Variants in LPIN2 observed in about 807,000 individuals in gnomAD.
The protein encoded by LPIN2 is lipin 2.
In LPIN2, 55 loss-of-function variants were observed where a neutral mutation model predicts 111.4. That is an observed-to-expected ratio of 0.49 (90% CI 0.40 to 0.62). The LOEUF (loss-of-function observed/expected upper bound fraction) is 0.62, where lower values mean the gene tolerates loss of function less well. LPIN2 is among the 20% of genes least tolerant of loss of function. LPIN2 has a pLI of 0.00. For missense variants in LPIN2, 992 were observed against 1,112.1 expected (o/e 0.89, Z 1.54); for synonymous variants, 425 against 414.0 (o/e 1.03, Z -0.32).
chr18:2,946,060 C>G (rs1411886208), intron 4 of LPIN2: 1 of 1,446,216 alleles, frequency 6.9e-7, no homozygotes, highest in South Asian at 1.1e-5. Context: ...CTTTGAACAC[C>G]CTCCATTCTT....
At chr18:2,960,468 A>G in intron 2 of LPIN2, 181 bp downstream of exon 2, 1 of 654,256 alleles carries the variant, frequency 1.5e-6, no homozygotes. Flanking sequence ...CAAAAGCAAT[A>G]CATAAAGGTT....
chr18:2,967,788 C>T (rs1261491336), intron 1 of LPIN2: 1 of 152,196 alleles, frequency 6.6e-6, no homozygotes, highest in Non-Finnish European at 1.5e-5. Flanking sequence ...TTTGTACTTC[C>T]TGGTTATTTC....
chr18:2,992,683 T>C (rs949424373), intron 1 of LPIN2, among the ~76,000 whole-genome samples: 10 of 151,870 alleles, frequency 6.6e-5, no homozygotes, highest in Non-Finnish European at 1.2e-4. Context: ...TGAGATCTCA[T>C]CTCTATAAAA....
At chr18:2,990,402 A>C (rs2078247587) in intron 1 of LPIN2, among the ~76,000 whole-genome samples, 1 of 152,244 alleles carries the variant, frequency 6.6e-6, no homozygotes, top group Admixed American at 6.5e-5. Flanking sequence ...TGGGGAGTTT[A>C]ACTCTAGAAT....
chr18:3,009,793 C>T (rs995244272), intron 1 of LPIN2, among the ~76,000 whole-genome samples: 1 of 152,174 alleles, frequency 6.6e-6, no homozygotes, highest in African/African-American at 2.4e-5. Context: ...AACCTGATCA[C>T]CGAAATACAA....
intron 1 of LPIN2, among the ~76,000 whole-genome samples, chr18:2,993,511 T>C (rs2078297513): frequency 6.6e-6 from 1 of 152,246 alleles, no homozygotes; most frequent in Admixed American, 6.5e-5. Context: ...AAACTATGGC[T>C]TTCTGAGCAT....
At chr18:3,003,761 T>G (rs1243213337) in intron 1 of LPIN2, among the ~76,000 whole-genome samples, 2 of 152,348 alleles carry the variant, frequency 1.3e-5, no homozygotes, top group East Asian at 3.9e-4. Context: ...ATGAAATCAC[T>G]GTACCCTGAA....
chr18:3,009,584 A>G (rs2078568514), intron 1 of LPIN2, among the ~76,000 whole-genome samples: 3 of 151,722 alleles, frequency 2.0e-5, no homozygotes, highest in Admixed American at 2.0e-4. Flanking sequence ...GTCTACAGGC[A>G]TGCATAACCA....
chr18:2,989,223 A>T (rs2078228309), intron 1 of LPIN2, among the ~76,000 whole-genome samples: 1 of 152,158 alleles, frequency 6.6e-6, no homozygotes. Context: ...CTTCCACAGT[A>T]CCTTCTTAGA....
Position 2,931,432 on chromosome 18 carries a change from G to C in LPIN2, c.1280C>G (p.Pro427Arg). ...AGACTCGGGCCACTGCCTGGAACCG[G>C]GCTCCGATTCACTGTGGACAGGGGA... is the stretch of plus-strand genomic sequence containing the variant. ...ALYFPKSESE[P>R]GSRQWPESDT... The change falls in exon 9 of 20, where the codon CCC becomes CGC. Residue 427 changes from proline to arginine, a missense_variant. By Grantham distance (103) the Pro-to-Arg change is moderately radical. Coordinates refer to ENST00000677752, the MANE Select transcript of LPIN2 (RefSeq NM_001375808.2). The C allele has an allele frequency of 6.3e-7, 1 of 1,589,728 alleles. No homozygotes were observed. The highest frequency in any genetic ancestry group is 8.6e-7 in the Non-Finnish European group (1 of 1,167,828).
chr18:2,988,944 A>G (rs2078224458), intron 1 of LPIN2, among the ~76,000 whole-genome samples: 1 of 152,224 alleles, frequency 6.6e-6, no homozygotes, highest in Admixed American at 6.5e-5. Context: ...AATTGTATTC[A>G]ATTTGAAAAA....
intron 7 of LPIN2, among the ~76,000 whole-genome samples, 174 bp from the exon 8 acceptor site, chr18:2,934,624 A>G (rs1012899505): frequency 6.6e-6 from 1 of 152,230 alleles, no homozygotes; most frequent in African/African-American, 2.4e-5. Context: ...ATCCATGCCA[A>G]TAGAAGAGAA....
chr18:2,963,841 AAAATGCT>A (rs2077748195), intron 1 of LPIN2, among the ~76,000 whole-genome samples: 1 of 117,984 alleles, frequency 8.5e-6, no homozygotes, highest in East Asian at 2.2e-4. Context: ...ACAAATACCA[AAAATGCT>A]TCTAACACAT....
intron 18 of LPIN2, 26 bp downstream of exon 18, chr18:2,921,507 G>C (rs2077053646): frequency 1.3e-6 from 2 of 1,545,758 alleles, no homozygotes; most frequent in Non-Finnish European, 1.8e-6. Context: ...ACCCACATCA[G>C]AACCCAGAGC....
At chr18:2,926,159 C>T (rs996130695) in intron 13 of LPIN2, among the ~76,000 whole-genome samples, 1 of 152,018 alleles carries the variant, frequency 6.6e-6, no homozygotes, top group African/African-American at 2.4e-5. Context: ...TTTAGACACC[C>T]CTTAAAAGAT....
At chr18:2,954,439 G>T in intron 3 of LPIN2, 65 bp downstream of exon 3, 2 of 1,143,508 alleles carry the variant, frequency 1.7e-6, no homozygotes, top group Non-Finnish European at 2.7e-6. Flanking sequence ...TAAACGGTCC[G>T]TCTGGGCCAC....
intron 17 of LPIN2, 141 bp downstream of exon 17, chr18:2,921,906 G>A: frequency 8.3e-7 from 1 of 1,210,424 alleles, no homozygotes; most frequent in Non-Finnish European, 1.1e-6. Context: ...TATGTGGTAG[G>A]ACACCACCAG....
chr18:2,937,544 TAAAAAAA>T (rs71366618), intron 7 of LPIN2, 141 bp downstream of exon 7: 607 of 343,880 alleles, frequency 1.8e-3, no homozygotes, highest in East Asian at 5.0e-3. Flanking sequence ...AAACTCCAGC[TAAAAAAA>T]AAAAAAAAAA....
In LPIN2 at chr18:2,925,142, T is replaced by C; in HGVS notation, c.1938+82A>G. 1.3e-6 allele frequency: 2 copies of C among 1,541,996 alleles called. No individual in the cohort carries two copies. The highest frequency in any genetic ancestry group is 3.3e-5 in the Admixed American group (2 of 59,746). ...TGTGGCGTGTATGCAGCTGGGGACG[T>C]GTGGACAGAAGAGGATGTGCATCAA... On this transcript the variant is annotated intron_variant, in intron 14 of 19. Coordinates refer to ENST00000677752, the MANE Select transcript of LPIN2 (RefSeq NM_001375808.2). The surrounding 1 kb of genome is among the most constrained non-coding windows in gnomAD (Gnocchi z 4.1).
Sources: allele counts gnomAD v4.1 joint callset (sites outside exome capture counted in the v4.1 genomes callset), GRCh38; gene constraint gnomAD v4.1.1; non-coding constraint Gnocchi (gnomAD v3.1); transcripts MANE v1.5; gene names NCBI Gene and HGNC (gene_info 2026-07-23, HGNC 2026-07-21).